CACNA2D3: variants seen among roughly 807,000 people sequenced by gnomAD.
CACNA2D3 encodes the protein voltage-dependent calcium channel subunit alpha-2/delta-3.
A neutral mutation model predicts 160.6 loss-of-function variants in CACNA2D3; 60 were observed. The ratio of observed to expected loss-of-function variants is 0.37; its 90% CI spans 0.30 to 0.46. The LOEUF is 0.46. Among genes scored for constraint, CACNA2D3 ranks in the 20% least tolerant of loss-of-function variants. CACNA2D3 has a pLI of 1.00. For synonymous variants in CACNA2D3, 558 were observed against 492.9 expected, an observed-to-expected ratio of 1.13 and a Z score of -1.75; for missense variants, 1,205 against 1,365.0, an observed-to-expected ratio of 0.88 and a Z score of 1.85.
intron 2 of CACNA2D3, among the ~76,000 whole-genome samples, chr3:54,307,797 A>G (rs1703647140): frequency 6.6e-6 from 1 of 152,212 alleles, no homozygotes; most frequent in African/African-American, 2.4e-5. Flanking sequence ...TTTCCAGGAC[A>G]TCTTGGATAT....
intron 6 of CACNA2D3, among the ~76,000 whole-genome samples, chr3:54,564,930 T>C (rs1702385635): frequency 1.3e-5 from 2 of 152,210 alleles, no homozygotes; most frequent in African/African-American, 4.8e-5. Context: ...CAAAGTCATT[T>C]GGAATTTGAA....
At chr3:54,676,879 A>G (rs529641879) in intron 11 of CACNA2D3, among the ~76,000 whole-genome samples, 39 of 152,328 alleles carry the variant, frequency 2.6e-4, no homozygotes, top group Middle Eastern at 6.8e-3. Context: ...TTGACCCCCC[A>G]AAACAACTGA....
intron 13 of CACNA2D3, among the ~76,000 whole-genome samples, chr3:54,780,111 G>A (rs1702504347): frequency 6.6e-6 from 1 of 152,160 alleles, no homozygotes; most frequent in Non-Finnish European, 1.5e-5. Flanking sequence ...AAGGCTTACA[G>A]AAGAAATAAT....
intron 2 of CACNA2D3, among the ~76,000 whole-genome samples, chr3:54,244,355 C>T (rs559497904): frequency 1.3e-5 from 2 of 152,158 alleles, no homozygotes; most frequent in South Asian, 4.1e-4. Context: ...AAACTAATAG[C>T]AATTAGTTGA....
intron 11 of CACNA2D3, 54 bp downstream of exon 11, chr3:54,642,295 T>C: frequency 2.9e-6 from 3 of 1,020,886 alleles, no homozygotes; most frequent in South Asian, 1.6e-5. Context: ...ATCTTTACTG[T>C]AATCTCCAGC....
intron 9 of CACNA2D3, among the ~76,000 whole-genome samples, chr3:54,596,567 A>G (rs1256306283): frequency 6.6e-6 from 1 of 151,932 alleles, no homozygotes; most frequent in African/African-American, 2.4e-5. Context: ...GGATGGTTGG[A>G]TCATTAGGCC....
chr3:54,846,351 G>A, intron 16 of CACNA2D3, 42 bp from the exon 17 acceptor site: 2 of 1,333,132 alleles, frequency 1.5e-6, no homozygotes, highest in Non-Finnish European at 2.1e-6. Flanking sequence ...AATTCACCAG[G>A]GAGCAAGCTA....
rs573684343 is a variant in CACNA2D3 at position 54,752,546 on chromosome 3, G to T, written c.1168-53G>T. Reference sequence around the variant, plus strand: ...TGTGTGAGCCATGCATGTGATCTGTGCAGGATGGCGAAAAGTGAATGCCGC... The same window carrying T: ...TGTGTGAGCCATGCATGTGATCTGTTCAGGATGGCGAAAAGTGAATGCCGC... On this transcript the variant is annotated intron_variant, in intron 11 of 37. Coordinates refer to ENST00000474759, the MANE Select transcript of CACNA2D3 (RefSeq NM_018398.3). 56 of 1,265,574 alleles carry T rather than the reference G, an allele frequency of 4.4e-5. No individual in the cohort carries two copies. The South Asian group carries it at 6.7e-4, about 15-fold the overall frequency. The allele number at this position is 1,265,574 out of a possible 1,614,324, so 78.4% of individuals were successfully genotyped here.
rs569059712 is a variant in CACNA2D3 at position 54,888,230 on chromosome 3, G to A, written c.2150+178G>A. ...TTAGCGGCTCGGGCTTGGATGGCAAGCTCCTGGCTTTGACATATAATTTGT... is the reference window on the plus strand; with the variant it reads ...TTAGCGGCTCGGGCTTGGATGGCAAACTCCTGGCTTTGACATATAATTTGT... On this transcript the variant is annotated intron_variant, in intron 24 of 37. Transcript: ENST00000474759. Among the ~76,000 whole-genome samples the A allele has an allele frequency of 2.0e-5, 3 of 152,340 alleles. No homozygotes were observed. The South Asian group carries it at 6.2e-4, about 32-fold the overall frequency.
At chr3:54,734,419 C>A (rs528726140) in intron 11 of CACNA2D3, among the ~76,000 whole-genome samples, 2 of 152,156 alleles carry the variant, frequency 1.3e-5, no homozygotes, top group East Asian at 3.9e-4. Flanking sequence ...CTCAGGACTA[C>A]TGCAACTTCC....
intron 3 of CACNA2D3, among the ~76,000 whole-genome samples, chr3:54,366,734 G>A (rs764167853): frequency 1.3e-5 from 2 of 152,192 alleles, no homozygotes; most frequent in Non-Finnish European, 2.9e-5. Flanking sequence ...AGTAGACATG[G>A]TTCCTGAATT....
intron 14 of CACNA2D3, among the ~76,000 whole-genome samples, chr3:54,822,769 T>C (rs1336660524): frequency 4.4e-5 from 4 of 90,136 alleles, no homozygotes; most frequent in Admixed American, 2.5e-4. Context: ...TTTCTTTCTT[T>C]CTTTCTTTCT....
chr3:54,847,381 C>A (rs1366155615), intron 17 of CACNA2D3, among the ~76,000 whole-genome samples: 2 of 152,086 alleles, frequency 1.3e-5, no homozygotes, highest in Non-Finnish European at 2.9e-5. Context: ...TATGCACATA[C>A]ACAAATGCAT....
chr3:54,339,774 G>GT (rs1190502298), intron 3 of CACNA2D3, among the ~76,000 whole-genome samples: 3 of 152,150 alleles, frequency 2.0e-5, no homozygotes, highest in Non-Finnish European at 4.4e-5. Flanking sequence ...ACTATTCTTT[G>GT]TGAGTGAGTT....
chr3:54,871,108 A>T (rs1699516793), intron 17 of CACNA2D3, among the ~76,000 whole-genome samples: 1 of 147,788 alleles, frequency 6.8e-6, no homozygotes. Context: ...CAATGGGAAG[A>T]CAAATCCAAC....
chr3:54,777,789 A>G (rs1031952066), intron 13 of CACNA2D3, among the ~76,000 whole-genome samples: 4 of 152,214 alleles, frequency 2.6e-5, no homozygotes, highest in African/African-American at 7.2e-5. Flanking sequence ...ATGGTATTCC[A>G]ATAGCAGGGA....
At chr3:54,939,503 G>A (rs1701409012) in intron 27 of CACNA2D3, among the ~76,000 whole-genome samples, 1 of 152,200 alleles carries the variant, frequency 6.6e-6, no homozygotes, top group Admixed American at 6.5e-5. Flanking sequence ...ATTTCTTCAG[G>A]GAGGCAGGGC....
At chr3:54,878,408 C>T (rs188264489) in intron 18 of CACNA2D3, among the ~76,000 whole-genome samples, 1 of 152,172 alleles carries the variant, frequency 6.6e-6, no homozygotes, top group East Asian at 1.9e-4. Flanking sequence ...GGGAGGAGAG[C>T]CAGGCTCGCT....
chr3:54,261,810 C>T (rs902777676), intron 2 of CACNA2D3, among the ~76,000 whole-genome samples: 6 of 152,176 alleles, frequency 3.9e-5, no homozygotes, highest in Admixed American at 1.3e-4. Context: ...ACCCAAAATA[C>T]ACAGTTATAC....
Sources: allele counts gnomAD v4.1 joint callset (sites outside exome capture counted in the v4.1 genomes callset), GRCh38; gene constraint gnomAD v4.1.1; transcripts MANE v1.5; gene names NCBI Gene and HGNC (gene_info 2026-07-23, HGNC 2026-07-21).